Variants in KIAA1217 observed in about 807,000 individuals in gnomAD.
KIAA1217 encodes KIAA1217, also known as sickle tail protein homolog.
In KIAA1217, 88 loss-of-function variants were observed where a neutral mutation model predicts 163.9. That is an observed-to-expected ratio of 0.54 (90% CI 0.45 to 0.64). KIAA1217 has a LOEUF of 0.64. KIAA1217 is among the 30% of genes least tolerant of loss of function. The probability of loss-of-function intolerance (pLI) is 0.00; values close to 1 mark genes in which losing one functional copy is unlikely to be tolerated. For synonymous variants in KIAA1217, 903 were observed against 923.1 expected (o/e 0.98, Z 0.39); for missense variants, 2,372 against 2,475.0 (o/e 0.96, Z 0.88).
rs563906648 is a variant in KIAA1217, at chr10:23,804,682, T to C, written c.-321+109448T>C. On this transcript the variant is annotated intron_variant, in intron 1 of 18. Transcript: ENST00000376462. Reference sequence around the variant, plus strand: ...TACACACCGTTGCCAGTGTCTGAAGTATATATGCTTTATACAGCATATGAT... The same window carrying C: ...TACACACCGTTGCCAGTGTCTGAAGCATATATGCTTTATACAGCATATGAT... Among the ~76,000 whole-genome samples the C allele has an allele frequency of 1.6e-4, 25 of 152,304 alleles. No homozygotes were observed. In the South Asian group the frequency reaches 5.0e-3, roughly 30 times the overall value.
At position 23,829,388 on chromosome 10, in the gene KIAA1217, G is replaced by A. The variant is rs1232868957; in HGVS notation, c.-321+134154G>A. Reference sequence around the variant, plus strand: ...AGGCAAACTCTCAGCTCTGTTATTCGTCTTCTCCATGGGAAAAATATTGAC... The same window carrying A: ...AGGCAAACTCTCAGCTCTGTTATTCATCTTCTCCATGGGAAAAATATTGAC... On this transcript the variant is annotated intron_variant, in intron 1 of 18. Coordinates refer to the KIAA1217 transcript ENST00000376462. Among the ~76,000 whole-genome samples, 11 of 152,056 alleles carry A rather than the reference G, an allele frequency of 7.2e-5. No individual in the cohort carries two copies. The East Asian group carries it at 9.6e-4, about 13-fold the overall frequency.
chr10:23,824,631 GAA>G (rs1216051100), intron 1 of KIAA1217, among the ~76,000 whole-genome samples: 42 of 11,388 alleles, frequency 3.7e-3, no homozygotes, highest in African/African-American at 6.1e-3. Context: ...TCTGTCTCAA[GAA>G]AAAAAAAAAA....
intron 1 of KIAA1217, among the ~76,000 whole-genome samples, chr10:23,885,158 G>T (rs932767224): frequency 1.3e-5 from 2 of 151,922 alleles, no homozygotes; most frequent in African/African-American, 4.8e-5. Context: ...AATAAAAATT[G>T]TATTTATTTA....
chr10:24,106,570 G>GA (rs111957100), intron 2 of KIAA1217, among the ~76,000 whole-genome samples: 349 of 150,234 alleles, frequency 2.3e-3, no homozygotes, highest in African/African-American at 7.1e-3. Context: ...TTACATGACA[G>GA]AAAAAAAAAC....
intron 2 of KIAA1217, among the ~76,000 whole-genome samples, chr10:24,097,463 G>T (rs533985777): frequency 2.9e-4 from 44 of 152,206 alleles, no homozygotes; most frequent in African/African-American, 1.1e-3. Context: ...TGAGGAGGGA[G>T]GATCACTTGA....
intron 1 of KIAA1217, among the ~76,000 whole-genome samples, chr10:23,944,735 T>C (rs1843934943): frequency 6.6e-6 from 1 of 151,956 alleles, no homozygotes. Flanking sequence ...GGTACAGATA[T>C]AATGGGAAAA....
At chr10:24,214,631 C>T (rs760346784) in intron 1 of KIAA1217, among the ~76,000 whole-genome samples, 8 of 152,078 alleles carry the variant, frequency 5.3e-5, no homozygotes, top group Non-Finnish European at 8.8e-5. Context: ...GCGTTCTGGT[C>T]GAACACATAG....
Position 23,716,764 on chromosome 10 carries a change from A to C in KIAA1217, c.-321+21530A>C, listed in dbSNP as rs16923694. 6.7e-3 allele frequency among the ~76,000 whole-genome samples: 1,025 copies of C among 152,298 alleles called. 15 individuals are homozygous for C. Among genetic ancestry groups the C allele is most frequent in the African/African-American group, 0.023 (972 of 41,570 alleles). On this transcript the variant is annotated intron_variant, in intron 1 of 18. Coordinates refer to the KIAA1217 transcript ENST00000376462. ...ATATATTTATATGCATGTAACAACAAAAAAACATTCTTGTGGCTTTGTTTA... is the reference window on the plus strand; with the variant it reads ...ATATATTTATATGCATGTAACAACACAAAAACATTCTTGTGGCTTTGTTTA...
intron 1 of KIAA1217, among the ~76,000 whole-genome samples, chr10:23,977,288 T>A (rs1845581362): frequency 6.6e-6 from 1 of 152,178 alleles, no homozygotes; most frequent in South Asian, 2.1e-4. Context: ...ATGTCATAAA[T>A]CTATAACCTG....
At chr10:23,825,335 G>GT (rs941040967) in intron 1 of KIAA1217, among the ~76,000 whole-genome samples, 9 of 152,040 alleles carry the variant, frequency 5.9e-5, no homozygotes, top group Non-Finnish European at 7.4e-5. Context: ...TTGTATTTTA[G>GT]TTTTTTTACA....
chr10:23,924,102 A>G (rs1194362214), intron 1 of KIAA1217, among the ~76,000 whole-genome samples: 1 of 152,100 alleles, frequency 6.6e-6, no homozygotes, highest in Non-Finnish European at 1.5e-5. Flanking sequence ...ACTGCAAACA[A>G]TAATTGTAAA....
chr10:23,819,949 A>G (rs914365594), intron 1 of KIAA1217, among the ~76,000 whole-genome samples: 5 of 152,214 alleles, frequency 3.3e-5, no homozygotes, highest in African/African-American at 1.2e-4. Flanking sequence ...TAAGCTCTAA[A>G]GATCTATAAA....
intron 5 of KIAA1217, among the ~76,000 whole-genome samples, chr10:24,462,830 T>TA (rs2062556532): frequency 6.6e-6 from 1 of 152,302 alleles, no homozygotes; most frequent in Admixed American, 6.5e-5. Context: ...GTTGACAAGT[T>TA]ACATAGTAGT....
At chr10:24,462,152 A>C (rs1220522369) in intron 5 of KIAA1217, among the ~76,000 whole-genome samples, 2 of 151,290 alleles carry the variant, frequency 1.3e-5, no homozygotes, top group African/African-American at 4.9e-5. Flanking sequence ...ATATATAAGT[A>C]TAATATATAT....
At chr10:24,500,140 G>T (rs2067339632) in intron 8 of KIAA1217, among the ~76,000 whole-genome samples, 1 of 152,054 alleles carries the variant, frequency 6.6e-6, no homozygotes, top group African/African-American at 2.4e-5. Context: ...TGCAAGGCCA[G>T]CCTGGCCTGT....
At chr10:24,174,666 T>G (rs1318112822) in intron 2 of KIAA1217, among the ~76,000 whole-genome samples, 1 of 152,258 alleles carries the variant, frequency 6.6e-6, no homozygotes, top group African/African-American at 2.4e-5. Context: ...TATTTTGTTA[T>G]GGCAGTCCTC....
At chr10:24,290,834 T>A (rs983291874) in intron 2 of KIAA1217, among the ~76,000 whole-genome samples, 2 of 152,064 alleles carry the variant, frequency 1.3e-5, no homozygotes, top group African/African-American at 4.8e-5. Flanking sequence ...ACTCCTGACC[T>A]CAGGTGCTCC....
intron 2 of KIAA1217, among the ~76,000 whole-genome samples, chr10:24,011,970 A>G (rs141240897): frequency 6.6e-6 from 1 of 150,886 alleles, no homozygotes; most frequent in East Asian, 1.9e-4. Flanking sequence ...TTTCATGTTC[A>G]GATGGAAATG....
In KIAA1217 at chr10:24,511,902, T is replaced by C. The variant is rs75885788; in HGVS notation, c.2002-1357T>C. ...AGGTTTAGATTGGTGCCAGACACTT[T>C]ATTTTATTGTCTCACCGAGTCTCCA... is the stretch of plus-strand genomic sequence containing the variant. On this transcript the variant is annotated intron_variant, in intron 9 of 20. Coordinates refer to ENST00000376454, the MANE Select transcript of KIAA1217 (RefSeq NM_019590.5). Among the ~76,000 whole-genome samples the C allele has an allele frequency of 8.1e-4, 123 of 152,310 alleles. 3 individuals are homozygous for C. In the East Asian group the frequency reaches 0.023, roughly 29 times the overall value.
Sources: allele counts gnomAD v4.1 joint callset (sites outside exome capture counted in the v4.1 genomes callset), GRCh38; gene constraint gnomAD v4.1.1; transcripts MANE v1.5; gene names NCBI Gene and HGNC (gene_info 2026-07-23, HGNC 2026-07-21).